Variants in NTM observed in about 807,000 individuals in gnomAD.
NTM encodes neurotrimin, also known as IgLON family member 2.
NTM carries 13 observed loss-of-function variants against 42.1 expected under a neutral mutation model. The observed-to-expected ratio is 0.31, with a 90% CI of 0.20 to 0.49. NTM has a LOEUF of 0.49. Among genes scored for constraint, NTM ranks in the 20% least tolerant of loss-of-function variants. The pLI is 0.99. For missense variants in NTM, 373 were observed against 452.8 expected (o/e 0.82, Z 1.60); for synonymous variants, 187 against 179.2 (o/e 1.04, Z -0.35).
At chr11:131,736,977 T>A (rs1189431382) in intron 1 of NTM, among the ~76,000 whole-genome samples, 1 of 152,068 alleles carries the variant, frequency 6.6e-6, no homozygotes, top group Non-Finnish European at 1.5e-5. Flanking sequence ...ATTGCAAGAG[T>A]CTCATACAGT....
intron 1 of NTM, among the ~76,000 whole-genome samples, chr11:131,873,043 G>A (rs868198230): frequency 3.9e-5 from 6 of 152,154 alleles, no homozygotes; most frequent in East Asian, 1.9e-4. Context: ...CATTCTGACC[G>A]GTGTGAGACA....
chr11:131,621,825 G>GAAAAAAAAAAAAAAAAAA (rs34307645), intron 1 of NTM, among the ~76,000 whole-genome samples: 3 of 105,540 alleles, frequency 2.8e-5, no homozygotes, highest in Admixed American at 1.2e-4. Flanking sequence ...TCAACTCAAA[G>GAAAAAAAAAAAAAAAAAA]AAAAAAAAAA....
intron 1 of NTM, among the ~76,000 whole-genome samples, chr11:131,515,264 C>T (rs957786676): frequency 9.9e-5 from 15 of 152,272 alleles, no homozygotes; most frequent in Non-Finnish European, 4.4e-5. Context: ...ACCACTTGGC[C>T]TCACCCACAG....
intron 3 of NTM, among the ~76,000 whole-genome samples, chr11:132,179,659 G>A (rs143874464): frequency 2.6e-5 from 4 of 152,288 alleles, no homozygotes; most frequent in East Asian, 1.9e-4. Flanking sequence ...GAAGAGGGAC[G>A]AAGCTGACCC....
At chr11:131,405,458 C>G (rs1945708891) in intron 1 of NTM, among the ~76,000 whole-genome samples, 1 of 152,046 alleles carries the variant, frequency 6.6e-6, no homozygotes, top group African/African-American at 2.4e-5. Context: ...TTTTCCTTGT[C>G]CTTCCCTTTC....
At chr11:131,924,997 G>A (rs1020258030) in intron 2 of NTM, among the ~76,000 whole-genome samples, 6 of 152,120 alleles carry the variant, frequency 3.9e-5, no homozygotes, top group African/African-American at 1.4e-4. Context: ...CTTTTCAAAC[G>A]GAAGTCTCAA....
intron 2 of NTM, among the ~76,000 whole-genome samples, chr11:132,056,226 A>T (rs576476508): frequency 7.2e-5 from 11 of 152,314 alleles, no homozygotes; most frequent in Admixed American, 5.2e-4. Flanking sequence ...AACTTTGATG[A>T]TTTAAAAAGG....
chr11:131,754,367 G>A (rs1282260203), intron 1 of NTM, among the ~76,000 whole-genome samples: 3 of 152,186 alleles, frequency 2.0e-5, no homozygotes, highest in Non-Finnish European at 4.4e-5. Context: ...GTGTGTGCCT[G>A]TAATCCCAGC....
At chr11:131,616,545 A>G (rs2061953460) in intron 1 of NTM, among the ~76,000 whole-genome samples, 1 of 152,178 alleles carries the variant, frequency 6.6e-6, no homozygotes. Context: ...GGAACTGGTA[A>G]TAGTTTAGCA....
chr11:132,283,221 G>A lies in NTM; in HGVS notation c.527-24468G>A, dbSNP rs142272289. Among the ~76,000 whole-genome samples the A allele has an allele frequency of 4.2e-3, 646 of 152,110 alleles. 4 individuals carry two copies. Among genetic ancestry groups the A allele is most frequent in the South Asian group, 7.5e-3 (36 of 4,814 alleles). ...AGGATGGTCTCAATCTCTTAACATC[G>A]TGATCCACCTGCCTCAGCCTCCTAA... On this transcript the variant is annotated intron_variant, in intron 4 of 8. Transcript: ENST00000683400.
At chr11:131,445,483 T>A (rs1949986872) in intron 1 of NTM, among the ~76,000 whole-genome samples, 1 of 152,230 alleles carries the variant, frequency 6.6e-6, no homozygotes, top group Non-Finnish European at 1.5e-5. Context: ...CTGTCTAAAC[T>A]GGGTAGACCT....
In NTM at chr11:132,003,222, G is replaced by A. The variant is rs503915; in HGVS notation, c.167+91574G>A. Among the ~76,000 whole-genome samples, 73,022 of 151,440 alleles carry A rather than the reference G, an allele frequency of 0.48. 17,706 individuals carry two copies. Among genetic ancestry groups the A allele is most frequent in the East Asian group, 0.57 (2,893 of 5,120 alleles). ...AAACACCTGGAGGCTTGTTGAATCC[G>A]GATTCCTCCACCCACACCCTTAGAG... On this transcript the variant is annotated intron_variant, in intron 2 of 8. Coordinates refer to ENST00000683400, the MANE Select transcript of NTM (RefSeq NM_001352005.2). This position sits in a 1 kb window ranked among gnomAD's most constrained non-coding sequence, Gnocchi z 6.0.
intron 2 of NTM, among the ~76,000 whole-genome samples, chr11:131,923,993 A>G (rs2057592433): frequency 6.6e-6 from 1 of 152,220 alleles, no homozygotes. Context: ...AAGTACTCAG[A>G]ACAGTGCCTG....
intron 1 of NTM, among the ~76,000 whole-genome samples, chr11:131,707,536 G>A (rs568461936): frequency 1.3e-5 from 2 of 152,080 alleles, no homozygotes; most frequent in East Asian, 3.9e-4. Flanking sequence ...GGATCATATT[G>A]TAATTTTATT....
At chr11:132,030,453 G>A (rs1040927806) in intron 2 of NTM, among the ~76,000 whole-genome samples, 13 of 152,080 alleles carry the variant, frequency 8.5e-5, no homozygotes, top group Non-Finnish European at 1.8e-4. Context: ...TCGTTTTCTG[G>A]CCTATAGGCT....
intron 1 of NTM, among the ~76,000 whole-genome samples, chr11:131,624,669 A>T (rs1429008220): frequency 6.6e-6 from 1 of 152,254 alleles, no homozygotes. Context: ...TAGGATGGAC[A>T]TTTAACAAAT....
At chr11:131,473,663 C>T (rs1291423427) in intron 1 of NTM, among the ~76,000 whole-genome samples, 2 of 152,078 alleles carry the variant, frequency 1.3e-5, no homozygotes, top group Non-Finnish European at 2.9e-5. Context: ...GCCAATGAGG[C>T]GTGGCCATCC....
intron 1 of NTM, among the ~76,000 whole-genome samples, chr11:131,497,095 C>T (rs531792554): frequency 1.1e-3 from 162 of 152,304 alleles, no homozygotes; most frequent in African/African-American, 3.8e-3. Context: ...ATCTTCTGTC[C>T]ACAGAGGAAA....
At chr11:131,551,167 C>A (rs965488423) in intron 1 of NTM, among the ~76,000 whole-genome samples, 1 of 152,230 alleles carries the variant, frequency 6.6e-6, no homozygotes, top group African/African-American at 2.4e-5. Flanking sequence ...CTGGTCCCAG[C>A]TCAGCCCTTG....
Sources: gnomAD v4.1 joint callset for allele counts (sites outside exome capture counted in the v4.1 genomes callset) on GRCh38, gnomAD v4.1.1 for gene constraint, Gnocchi (gnomAD v3.1) non-coding constraint, MANE v1.5 for transcripts, NCBI Gene and HGNC (gene_info 2026-07-23, HGNC 2026-07-21) for gene names.